The following ARHGAP44 variants were observed in gnomAD, a reference collection of about 807,000 sequenced individuals.
ARHGAP44 encodes the protein rho GTPase-activating protein 44.
A neutral mutation model predicts 106.8 loss-of-function variants in ARHGAP44; 43 were observed. The ratio of observed to expected loss-of-function variants is 0.40; its 90% CI spans 0.32 to 0.52. The LOEUF (loss-of-function observed/expected upper bound fraction) is 0.52, where lower values mean the gene tolerates loss of function less well. ARHGAP44 is among the 20% of genes least tolerant of loss of function. The probability of loss-of-function intolerance (pLI) is 0.48; values close to 1 mark genes in which losing one functional copy is unlikely to be tolerated. For missense variants in ARHGAP44, 866 were observed against 1,050.5 expected, an observed-to-expected ratio of 0.82 and a Z score of 2.43; for synonymous variants, 439 against 410.3, an observed-to-expected ratio of 1.07 and a Z score of -0.85.
chr17:12,811,816 G>GC (rs2034449245), intron 1 of ARHGAP44, among the ~76,000 whole-genome samples: 1 of 152,136 alleles, frequency 6.6e-6, no homozygotes, highest in Non-Finnish European at 1.5e-5. Flanking sequence ...TCCAGTATCT[G>GC]CCCCTGTCAT....
chr17:12,990,219 A>C lies in ARHGAP44; in HGVS notation c.*48A>C, dbSNP rs780987025. On this transcript the variant is annotated 3_prime_UTR_variant, in exon 21 of 21. Coordinates refer to ENST00000379672, the MANE Select transcript of ARHGAP44 (RefSeq NM_014859.6). The stretch of plus-strand genomic sequence containing the variant: ...CGCGTGTACATACATCACGGGCCCT[A>C]GGAACGCCGCCAGGAGCAGCGTCCA... The C allele has an allele frequency of 3.8e-6, 6 of 1,575,202 alleles. No individual in the cohort carries two copies. In the African/African-American group the frequency reaches 4.0e-5, roughly 11 times the overall value.
At position 12,973,963 on chromosome 17, in the gene ARHGAP44, G is replaced by A. The variant is rs1041421614; in HGVS notation, c.1542-126G>A. ...ACAGCCCCCAATGCATCGCTTCCCGGGCCCCCGGGGTGCTAAAGCTGCGCT... is the reference window on the plus strand; with the variant it reads ...ACAGCCCCCAATGCATCGCTTCCCGAGCCCCCGGGGTGCTAAAGCTGCGCT... On this transcript the variant is annotated intron_variant, in intron 17 of 20. Transcript: ENST00000379672. 9 of 1,036,830 alleles carry A rather than the reference G, an allele frequency of 8.7e-6. No individual in the cohort carries two copies. The African/African-American group carries it at 1.4e-4, about 17-fold the overall frequency. 64.2% of individuals were successfully genotyped at this position (1,036,830 alleles called of 1,614,324 possible).
intron 6 of ARHGAP44, among the ~76,000 whole-genome samples, chr17:12,922,261 C>T (rs1168496659): frequency 1.3e-5 from 2 of 152,034 alleles, no homozygotes; most frequent in Non-Finnish European, 2.9e-5. Context: ...GGAGGCGAGG[C>T]GTTAGGTGGT....
chr17:12,844,436 G>A (rs77346563), intron 1 of ARHGAP44, among the ~76,000 whole-genome samples: 1,744 of 152,230 alleles, frequency 0.011, 35 homozygotes, highest in African/African-American at 0.04. Flanking sequence ...ACGTTAATTC[G>A]TTCACGAGAA....
Position 12,948,752 on chromosome 17 carries a change from C to CACACACACACACACA in ARHGAP44, c.862-388_862-387insACACACACACACACA, listed in dbSNP as rs1221163562. ...CACACACACACACACACACACACAC[C>CACACACACACACACA]CCCTGTAGACCTCCTCACATTCAAC... On this transcript the variant is annotated intron_variant, in intron 10 of 20. Coordinates refer to ENST00000379672, the MANE Select transcript of ARHGAP44 (RefSeq NM_014859.6). Among the ~76,000 whole-genome samples the CACACACACACACACA allele has an allele frequency of 2.3e-3, 321 of 140,892 alleles. 13 individuals are homozygous for CACACACACACACACA. The highest frequency in any genetic ancestry group is 3.7e-3 in the Admixed American group (51 of 13,906). 92.4% of individuals were successfully genotyped at this position (140,892 alleles called of 152,430 possible).
Position 12,843,210 on chromosome 17 carries a change from C to T in ARHGAP44, c.54-51730C>T, listed in dbSNP as rs1473455314. Among the ~76,000 whole-genome samples the T allele has an allele frequency of 2.0e-5, 3 of 152,218 alleles. No homozygotes were observed. In the East Asian group the frequency reaches 5.8e-4, roughly 29 times the overall value. On this transcript the variant is annotated intron_variant, in intron 1 of 20. Transcript: ENST00000379672. ...TGGCAGTTGGCTGGCCTTAAGGCGT[C>T]CTGAACTCTTTCTAATGCTAAACCT...
At chr17:12,857,769 T>G (rs748938519) in intron 1 of ARHGAP44, among the ~76,000 whole-genome samples, 87 of 1,994 alleles carry the variant, frequency 0.044, no homozygotes, top group Non-Finnish European at 0.078. Flanking sequence ...GCCCATGTTA[T>G]TTATTTATTT....
At chr17:12,849,568 CTTTTTTTTTT>C (rs776346185) in intron 1 of ARHGAP44, among the ~76,000 whole-genome samples, 3 of 69,966 alleles carry the variant, frequency 4.3e-5, no homozygotes, top group African/African-American at 1.8e-4. Flanking sequence ...TACTTTTGTC[CTTTTTTTTTT>C]TTTTTTTTTT....
intron 3 of ARHGAP44, among the ~76,000 whole-genome samples, chr17:12,901,353 G>A (rs2037371473): frequency 6.6e-6 from 1 of 152,134 alleles, no homozygotes. Context: ...GTGAGGGTTT[G>A]GACTTTATCC....
At chr17:12,875,885 A>G (rs559992115) in intron 1 of ARHGAP44, among the ~76,000 whole-genome samples, 82 of 152,354 alleles carry the variant, frequency 5.4e-4, no homozygotes, top group Non-Finnish European at 1.1e-3. Context: ...TGGAGTTTGC[A>G]GTGAGCTGAG....
chr17:12,975,148 C>A (rs189416255), intron 18 of ARHGAP44, among the ~76,000 whole-genome samples: 5 of 152,218 alleles, frequency 3.3e-5, no homozygotes, highest in Admixed American at 1.3e-4. Flanking sequence ...CCATGCCTAG[C>A]CTGAAAATAT....
At chr17:12,891,202 C>A (rs2037034961) in intron 1 of ARHGAP44, among the ~76,000 whole-genome samples, 2 of 152,186 alleles carry the variant, frequency 1.3e-5, no homozygotes, top group Admixed American at 1.3e-4. Flanking sequence ...CTTCCAGACT[C>A]GTCTAGTCTC....
At chr17:12,919,606 G>A (rs1284686295) in intron 5 of ARHGAP44, 149 bp from the exon 6 acceptor site, 8 of 520,072 alleles carry the variant, frequency 1.5e-5, no homozygotes, top group Non-Finnish European at 2.4e-5. Flanking sequence ...GGCTGGTCTC[G>A]AACTCCTGAC....
At chr17:12,936,369 C>T (rs964947716) in intron 7 of ARHGAP44, among the ~76,000 whole-genome samples, 8 of 152,168 alleles carry the variant, frequency 5.3e-5, no homozygotes, top group Admixed American at 5.2e-4. Context: ...TCCCTGCTGA[C>T]CCTTGACAAC....
At chr17:12,862,192 T>C (rs2036106698) in intron 1 of ARHGAP44, among the ~76,000 whole-genome samples, 1 of 152,140 alleles carries the variant, frequency 6.6e-6, no homozygotes, top group African/African-American at 2.4e-5. Context: ...GCTTTCAACC[T>C]GAAGCTGCTG....
At position 12,861,644 on chromosome 17, in the gene ARHGAP44, C is replaced by CTTTTTTTTTTTTTTTTTTTTTTTTTT. The variant is rs71144930; in HGVS notation, c.54-33282_54-33281insTTTTTTTTTTTTTTTTTTTTTTTTTT. On this transcript the variant is annotated intron_variant, in intron 1 of 20. Transcript: ENST00000379672. ...AATTCCTCTTCTGCCTCCTCTTCCACTTTTTTTTTTTTTTGAGATGGAATC... is the reference window on the plus strand; with the variant it reads ...AATTCCTCTTCTGCCTCCTCTTCCACTTTTTTTTTTTTTTTTTTTTTTTTTTTTTTTTTTTTTTTTGAGATGGAATC... Among the ~76,000 whole-genome samples, 13 of 67,756 alleles carry CTTTTTTTTTTTTTTTTTTTTTTTTTT rather than the reference C, an allele frequency of 1.9e-4. 4 individuals are homozygous for CTTTTTTTTTTTTTTTTTTTTTTTTTT. The highest frequency in any genetic ancestry group is 3.4e-4 in the Non-Finnish European group (12 of 34,940). The allele number at this position is 67,756 out of a possible 152,430, so 44.5% of individuals were successfully genotyped here.
chr17:12,879,493 A>T (rs1407787712), intron 1 of ARHGAP44, among the ~76,000 whole-genome samples: 1 of 151,970 alleles, frequency 6.6e-6, no homozygotes, highest in Admixed American at 6.6e-5. Flanking sequence ...CAGGAGTGGG[A>T]TTGCTTATTG....
intron 1 of ARHGAP44, among the ~76,000 whole-genome samples, chr17:12,806,372 T>G (rs2034273342): frequency 6.6e-6 from 1 of 152,134 alleles, no homozygotes; most frequent in African/African-American, 2.4e-5. Flanking sequence ...AAATAAATTC[T>G]TCATGTTGGG....
At chr17:12,944,989 A>G (rs1567701012) in intron 10 of ARHGAP44, among the ~76,000 whole-genome samples, 2 of 152,042 alleles carry the variant, frequency 1.3e-5, no homozygotes, top group African/African-American at 4.8e-5. Context: ...TAAGAGCCAC[A>G]TGTAAAAAAT....
Sources: gnomAD v4.1 joint callset for allele counts (sites outside exome capture counted in the v4.1 genomes callset) on GRCh38, gnomAD v4.1.1 for gene constraint, MANE v1.5 for transcripts, NCBI Gene and HGNC (gene_info 2026-07-23, HGNC 2026-07-21) for gene names.